The following AKT1 variants were observed in gnomAD, a reference collection of about 807,000 sequenced individuals.
The protein encoded by AKT1 is RAC-alpha serine/threonine-protein kinase.
AKT1 carries 21 observed loss-of-function variants against 63.1 expected under a neutral mutation model. That is an observed-to-expected ratio of 0.33 (90% CI 0.24 to 0.48). The LOEUF is 0.48. Ranked by LOEUF, AKT1 falls within the 20% of genes least tolerant of loss-of-function variation. The pLI is 0.99. For synonymous variants in AKT1, 257 were observed against 253.1 expected, an observed-to-expected ratio of 1.02 and a Z score of -0.15; for missense variants, 382 against 666.0, an observed-to-expected ratio of 0.57 and a Z score of 4.69.
chr14:104,780,968 A>AGGCCCTGCCGCCGTC (rs1893002934), intron 3 of AKT1, among the ~76,000 whole-genome samples: 2 of 152,132 alleles, frequency 1.3e-5, no homozygotes, highest in African/African-American at 2.4e-5. Flanking sequence ...ACCCACACTC[A>AGGCCCTGCCGCCGTC]GGCCCTGCCG....
intron 14 of AKT1, 131 bp downstream of exon 14, chr14:104,770,614 G>T (rs766968172): frequency 9.2e-6 from 9 of 982,910 alleles, no homozygotes; most frequent in Non-Finnish European, 1.4e-5. Context: ...CTGATCATTG[G>T]CACTCTCCAA....
chr14:104,789,743 CCT>C (rs1034710956), intron 3 of AKT1, among the ~76,000 whole-genome samples: 3 of 152,184 alleles, frequency 2.0e-5, no homozygotes, highest in South Asian at 2.1e-4. Context: ...CATCTGGCCC[CCT>C]GTCCCTATAG....
In AKT1 at chr14:104,786,016, G is replaced by A. The variant is rs74090032; in HGVS notation, c.47-5800C>T. On this transcript the variant is annotated intron_variant, in intron 3 of 14. Coordinates refer to ENST00000649815, the MANE Select transcript of AKT1 (RefSeq NM_001382430.1). ...AGGCACTGCCCGTCACCCACCCCTCGGGCCGGCAAAGGCACCCCACCTGCC... is the reference window on the plus strand; with the variant it reads ...AGGCACTGCCCGTCACCCACCCCTCAGGCCGGCAAAGGCACCCCACCTGCC... Among the ~76,000 whole-genome samples, 6 of 151,646 alleles carry A rather than the reference G, an allele frequency of 4.0e-5. No individual in the cohort carries two copies. In the South Asian group the frequency reaches 8.3e-4, roughly 21 times the overall value.
intron 9 of AKT1, 121 bp from the exon 10 acceptor site, chr14:104,773,701 G>A: frequency 1.4e-6 from 2 of 1,418,064 alleles, no homozygotes; most frequent in South Asian, 1.4e-5. Flanking sequence ...GCCACCAGAG[G>A]GCACGGGGGC....
At chr14:104,770,904 C>A (rs1311723231) in intron 13 of AKT1, 57 bp from the exon 14 acceptor site, 1 of 1,491,406 alleles carries the variant, frequency 6.7e-7, no homozygotes, top group African/African-American at 1.4e-5. Flanking sequence ...CCCAGCACAC[C>A]CTCAAGTGTG....
Position 104,773,958 on chromosome 14 carries a change from G to A in AKT1, c.656C>T (p.Thr219Ile). The A allele has an allele frequency of 2.5e-6, 4 of 1,612,602 alleles. No homozygotes were observed. Among genetic ancestry groups the A allele is most frequent in the Non-Finnish European group, 3.4e-6 (4 of 1,179,176 alleles). Reference protein sequence around the residue: ...FLTALKYSFQTHDRLCFVMEY... With the variant: ...FLTALKYSFQIHDRLCFVMEY... ...CATGACAAAGCAGAGGCGGTCGTGG[G>A]TCTGGAAAGAGTACTTCAGGGCCTG... The change falls in exon 9 of 15, where the codon ACC (threonine) becomes ATC (isoleucine). Residue 219 changes from threonine (T) to isoleucine (I), a missense_variant. By Grantham distance (89) the Thr-to-Ile change is moderately conservative. This residue lies in a region of AKT1 where 226 missense variants were observed against 366.4 expected (regional missense o/e 0.62). Transcript: ENST00000649815.
At chr14:104,775,036 G>A (rs377316134) in intron 7 of AKT1, 33 bp from the exon 8 acceptor site, 31 of 1,612,652 alleles carry the variant, frequency 1.9e-5, no homozygotes, top group East Asian at 4.5e-5. Flanking sequence ...CTGCCACCCC[G>A]CACCCTCATC....
chr14:104,780,626 G>A (rs921315666), intron 3 of AKT1, among the ~76,000 whole-genome samples: 4 of 152,316 alleles, frequency 2.6e-5, no homozygotes, highest in East Asian at 1.9e-4. Context: ...CAGGGGCTGC[G>A]GGGCTGACAG....
chr14:104,774,970 C>T lies in AKT1; in HGVS notation c.601G>A (p.Val201Ile), dbSNP rs774360915. The change falls in exon 8 of 15, where the codon GTC (valine) becomes ATC (isoleucine). Residue 201 changes from valine to isoleucine, a missense_variant. By Grantham distance (29) the Val-to-Ile change is conservative. Around this residue, in one of 3 missense-constraint regions of AKT1, gnomAD observed 226 missense variants for 366.4 expected, o/e 0.62. Coordinates refer to ENST00000649815, the MANE Select transcript of AKT1 (RefSeq NM_001382430.1). ...AAGGGGTGCCTGGAGTTCTGCAGGACGCGGTTCTCGGTGAGTGTGTGGGCC... is the reference window on the plus strand; with the variant it reads ...AAGGGGTGCCTGGAGTTCTGCAGGATGCGGTTCTCGGTGAGTGTGTGGGCC... Reference protein sequence around the residue: ...EVAHTLTENRVLQNSRHPFLT... With the variant: ...EVAHTLTENRILQNSRHPFLT... 8.7e-6 allele frequency: 14 copies of T among 1,612,852 alleles called. No homozygotes were observed. The highest frequency in any genetic ancestry group is 4.4e-5 in the South Asian group (4 of 91,048).
At chr14:104,774,666 G>C (rs1179283712) in intron 8 of AKT1, 3 of 491,814 alleles carry the variant, frequency 6.1e-6, no homozygotes, top group Non-Finnish European at 7.3e-6. Flanking sequence ...TGGGGAGCTG[G>C]GGCCTCCTGG....
rs3730342 is a variant in AKT1, at chr14:104,775,630, C to A, written c.435+22G>T. On this transcript the variant is annotated intron_variant, in intron 6 of 14. Transcript: ENST00000649815. ...AGTCCAAGGCAGCCCCAGGCACAGG[C>A]AGAAGTGGGGACAGGCCTCACCACG... 8.4e-4 allele frequency: 1,355 copies of A among 1,612,254 alleles called. 11 individuals are homozygous for A. The African/African-American group carries it at 0.014, about 17-fold the overall frequency.
At chr14:104,789,084 C>T (rs927105465) in intron 3 of AKT1, among the ~76,000 whole-genome samples, 1 of 152,254 alleles carries the variant, frequency 6.6e-6, no homozygotes, top group African/African-American at 2.4e-5. Flanking sequence ...TGGGTCACAG[C>T]CTGCCGAAGG....
chr14:104,771,621 G>C (rs1892391535), intron 13 of AKT1: 1 of 233,304 alleles, frequency 4.3e-6, no homozygotes, highest in East Asian at 6.0e-5. Flanking sequence ...GGGAGAACAG[G>C]TGCCCAGCTG....
At chr14:104,781,068 G>A (rs956849609) in intron 3 of AKT1, among the ~76,000 whole-genome samples, 3 of 152,334 alleles carry the variant, frequency 2.0e-5, no homozygotes, top group South Asian at 2.1e-4. Context: ...GTACGCAGGC[G>A]TTCACACTTC....
intron 3 of AKT1, among the ~76,000 whole-genome samples, chr14:104,784,105 C>T (rs1893214628): frequency 6.6e-6 from 1 of 152,180 alleles, no homozygotes; most frequent in Admixed American, 6.5e-5. Flanking sequence ...GCAGCAGTTC[C>T]AGTCTCACCC....
intron 3 of AKT1, among the ~76,000 whole-genome samples, chr14:104,784,503 G>C (rs974983888): frequency 6.6e-6 from 1 of 152,168 alleles, no homozygotes; most frequent in Non-Finnish European, 1.5e-5. Flanking sequence ...GTCCCGGGTG[G>C]CCCTCCGGCA....
intron 4 of AKT1, chr14:104,777,792 A>C: frequency 1.0e-6 from 1 of 974,384 alleles, no homozygotes; most frequent in Non-Finnish European, 1.2e-6. Context: ...GGCAGCAAGG[A>C]AGCTGTCTTC....
At chr14:104,774,674 T>G in intron 8 of AKT1, 1 of 504,152 alleles carries the variant, frequency 2.0e-6, no homozygotes, top group South Asian at 2.7e-5. Context: ...TGGGGCCTCC[T>G]GGAGCCTCGG....
intron 3 of AKT1, among the ~76,000 whole-genome samples, chr14:104,791,104 G>C (rs1468402581): frequency 6.6e-6 from 1 of 152,140 alleles, no homozygotes; most frequent in African/African-American, 2.4e-5. Flanking sequence ...CAGTAACTGG[G>C]GCCTGGGCCC....
Sources: gnomAD v4.1 joint callset for allele counts (sites outside exome capture counted in the v4.1 genomes callset) on GRCh38, gnomAD v4.1.1 for gene constraint, gnomAD v4.1.1 regional missense constraint, MANE v1.5 for transcripts, NCBI Gene and HGNC (gene_info 2026-07-23, HGNC 2026-07-21) for gene names.